ILDR1: variants seen among roughly 807,000 people sequenced by gnomAD.
ILDR1 encodes the protein immunoglobulin like domain containing receptor 1.
Under a neutral mutation model 62.4 loss-of-function variants are expected in ILDR1, and 56 were observed. The ratio of observed to expected loss-of-function variants is 0.90; its 90% CI spans 0.72 to 1.12. ILDR1 has a LOEUF of 1.12. Ranked by LOEUF, ILDR1 falls within the 50% of genes most tolerant of loss-of-function variation. The pLI is 0.00. For missense variants in ILDR1, 736 were observed against 710.6 expected (o/e 1.04, Z -0.41); for synonymous variants, 284 against 277.8 (o/e 1.02, Z -0.22).
At chr3:122,000,886 C>T (rs967251984) in intron 5 of ILDR1, among the ~76,000 whole-genome samples, 2 of 152,138 alleles carry the variant, frequency 1.3e-5, no homozygotes, top group Admixed American at 6.5e-5. Flanking sequence ...TCAGAAGTAT[C>T]GAGTGGCATG....
At chr3:122,044,706 G>C in the ILDR1 span, among the ~76,000 whole-genome samples, 42 of 151,140 alleles carry the variant, frequency 2.8e-4, no homozygotes, top group Non-Finnish European at 5.6e-4. Flanking sequence ...TATTTGCGTA[G>C]AGGTGTTTGT....
intron 5 of ILDR1, among the ~76,000 whole-genome samples, chr3:121,995,398 A>C (rs2071421703): frequency 6.6e-6 from 1 of 152,172 alleles, no homozygotes; most frequent in African/African-American, 2.4e-5. Context: ...AGGGGGCAGA[A>C]AGCTGGCATC....
the ILDR1 span, among the ~76,000 whole-genome samples, chr3:122,029,014 A>G: frequency 0.033 from 5,073 of 152,244 alleles, 261 homozygotes; most frequent in African/African-American, 0.12. Flanking sequence ...AGACAAACAG[A>G]GTGGTGTTTA....
At chr3:121,996,922 A>G (rs1182284736) in intron 5 of ILDR1, among the ~76,000 whole-genome samples, 2 of 151,992 alleles carry the variant, frequency 1.3e-5, no homozygotes, top group Non-Finnish European at 2.9e-5. Flanking sequence ...TTTGTTTGAG[A>G]TGGAGTCTCG....
the ILDR1 span, among the ~76,000 whole-genome samples, chr3:122,051,772 CA>C: frequency 6.6e-6 from 1 of 152,110 alleles, no homozygotes; most frequent in Admixed American, 6.5e-5. Flanking sequence ...CAGTCTTTAC[CA>C]GCCGGCTTTG....
At chr3:122,020,794 G>C (rs1300345314) in intron 1 of ILDR1, among the ~76,000 whole-genome samples, 1 of 152,180 alleles carries the variant, frequency 6.6e-6, no homozygotes, top group Non-Finnish European at 1.5e-5. Flanking sequence ...TGTGCATCGT[G>C]GGTGTCCAAC....
At chr3:122,028,689 T>C in the ILDR1 span, among the ~76,000 whole-genome samples, 1 of 152,242 alleles carries the variant, frequency 6.6e-6, no homozygotes, top group African/African-American at 2.4e-5. Flanking sequence ...ACTCAACTTG[T>C]ACCGGTAATC....
At chr3:122,033,698 CT>C in the ILDR1 span, among the ~76,000 whole-genome samples, 1 of 152,026 alleles carries the variant, frequency 6.6e-6, no homozygotes, top group East Asian at 1.9e-4. Context: ...ATTATTGTTT[CT>C]CTTATGGATA....
chr3:122,045,509 A>G, the ILDR1 span, among the ~76,000 whole-genome samples: 1 of 151,822 alleles, frequency 6.6e-6, no homozygotes, highest in African/African-American at 2.4e-5. Context: ...TCTAATGTTG[A>G]CAGTGGGGTG....
chr3:122,014,192 G>A (rs1029316282), intron 1 of ILDR1, among the ~76,000 whole-genome samples: 2 of 152,096 alleles, frequency 1.3e-5, no homozygotes, highest in Admixed American at 6.5e-5. Flanking sequence ...CTTCCTTTTT[G>A]TTTGTTAATA....
At chr3:122,056,201 G>A in the ILDR1 span, among the ~76,000 whole-genome samples, 1 of 152,152 alleles carries the variant, frequency 6.6e-6, no homozygotes, top group African/African-American at 2.4e-5. Context: ...ATAAGGGGTA[G>A]AGCTAAAATC....
upstream of ILDR1, among the ~76,000 whole-genome samples, chr3:122,025,699 A>C (rs2071913242): frequency 6.6e-6 from 1 of 152,224 alleles, no homozygotes; most frequent in South Asian, 2.1e-4. Flanking sequence ...GTACATTTAT[A>C]TGTGTACAGT....
At chr3:122,047,326 G>C in the ILDR1 span, among the ~76,000 whole-genome samples, 1 of 152,236 alleles carries the variant, frequency 6.6e-6, no homozygotes, top group Non-Finnish European at 1.5e-5. Flanking sequence ...CTTCAAAGCT[G>C]TCAGAGAGGG....
the ILDR1 span, among the ~76,000 whole-genome samples, chr3:122,059,465 G>A: frequency 6.6e-6 from 1 of 151,848 alleles, no homozygotes; most frequent in Non-Finnish European, 1.5e-5. Flanking sequence ...GAACCCAGGA[G>A]GCAGAGGTTG....
Position 122,005,283 on chromosome 3 carries a change from C to A in ILDR1, c.340G>T (p.Gly114Trp), listed in dbSNP as rs766566337. 5 of 1,613,874 alleles carry A rather than the reference C, an allele frequency of 3.1e-6. No homozygotes were observed. Among genetic ancestry groups the A allele is most frequent in the Admixed American group, 1.7e-5 (1 of 60,022 alleles). The change falls in exon 3 of 8, where the codon GGG becomes TGG. Residue 114 changes from glycine to tryptophan, a missense_variant. Physicochemically the swap from Gly to Trp is radical, Grantham distance 184 (BLOSUM62 -2). Transcript: ENST00000344209. ...QRRGQNEPVL[G>W]VDYRQRKITI... Reference sequence around the variant, plus strand: ...ATCTTGCGCTGCCGGTAATCTACCCCCAGCACGGGCTCATTCTGCCCCCGC... The same window carrying A: ...ATCTTGCGCTGCCGGTAATCTACCCACAGCACGGGCTCATTCTGCCCCCGC...
rs182951267 is a variant in ILDR1, at chr3:121,989,988, G to A, written c.1600-1580C>T. ...AATAAGCATTTTATAAAAAGTTATG[G>A]TAAAGCTGTAGCTGCTGAAAGCCTG... On this transcript the variant is annotated intron_variant, in intron 7 of 7. Transcript: ENST00000344209. Among the ~76,000 whole-genome samples, 465 of 152,284 alleles carry A rather than the reference G, an allele frequency of 3.1e-3. 2 individuals are homozygous for A. The highest frequency in any genetic ancestry group is 0.011 in the African/African-American group (449 of 41,542).
chr3:122,036,241 C>T, the ILDR1 span, among the ~76,000 whole-genome samples: 15 of 152,234 alleles, frequency 9.9e-5, no homozygotes, highest in South Asian at 2.9e-3. Context: ...TTTCTAAAAA[C>T]GTACATTCAT....
chr3:122,041,581 T>G, the ILDR1 span, among the ~76,000 whole-genome samples: 1 of 152,194 alleles, frequency 6.6e-6, no homozygotes, highest in African/African-American at 2.4e-5. Context: ...CTTAATTTCT[T>G]TCATTGATGC....
chr3:122,049,795 G>A, the ILDR1 span, among the ~76,000 whole-genome samples: 30 of 152,246 alleles, frequency 2.0e-4, no homozygotes, highest in Admixed American at 2.6e-4. Flanking sequence ...ATGGATTATA[G>A]CCTCATCAAA....
Sources: gnomAD v4.1 joint callset for allele counts (sites outside exome capture counted in the v4.1 genomes callset) on GRCh38, gnomAD v4.1.1 for gene constraint, MANE v1.5 for transcripts, NCBI Gene and HGNC (gene_info 2026-07-23, HGNC 2026-07-21) for gene names.